HYCC2: variants seen among roughly 807,000 people sequenced by gnomAD.
HYCC2 encodes hyccin PI4KA lipid kinase complex subunit 2.
the HYCC2 span, among the ~76,000 whole-genome samples, chr2:201,000,597 T>A: frequency 3.7e-4 from 57 of 152,162 alleles, no homozygotes; most frequent in Non-Finnish European, 7.1e-4. Flanking sequence ...GAGAAACTGC[T>A]ATCCTCATAC....
the HYCC2 span, chr2:200,979,885 C>G: frequency 6.6e-6 from 1 of 152,588 alleles, no homozygotes; most frequent in African/African-American, 2.4e-5. Context: ...TTTTTGTAAC[C>G]TCTTAGCAGT....
the HYCC2 span, chr2:200,981,471 T>C: frequency 6.2e-7 from 1 of 1,614,208 alleles, no homozygotes; most frequent in Non-Finnish European, 8.5e-7. The surrounding 1 kb of genome is among the most constrained non-coding windows in gnomAD (Gnocchi z 4.5). Context: ...TGGTACTTGC[T>C]TGACTGCCAT....
chr2:201,068,144 G>A, the HYCC2 span, among the ~76,000 whole-genome samples: 48 of 151,992 alleles, frequency 3.2e-4, no homozygotes, highest in Admixed American at 2.8e-3. Context: ...AAAATTAGCC[G>A]GGCGTGGTGG....
chr2:201,037,665 G>T, the HYCC2 span, among the ~76,000 whole-genome samples: 1 of 152,306 alleles, frequency 6.6e-6, no homozygotes, highest in East Asian at 1.9e-4. Flanking sequence ...TTAATAAATG[G>T]TGCTGGGAAA....
At chr2:200,983,282 C>T in the HYCC2 span, among the ~76,000 whole-genome samples, 1 of 152,038 alleles carries the variant, frequency 6.6e-6, no homozygotes, top group African/African-American at 2.4e-5. Context: ...AAACAGATAT[C>T]AACATTACAG....
At chr2:201,025,720 TG>T in the HYCC2 span, among the ~76,000 whole-genome samples, 149 of 152,110 alleles carry the variant, frequency 9.8e-4, no homozygotes, top group African/African-American at 3.3e-3. Context: ...CAGGGCACAA[TG>T]GGCAAGAGTT....
At chr2:200,983,163 GAATA>G in the HYCC2 span, among the ~76,000 whole-genome samples, 15 of 151,990 alleles carry the variant, frequency 9.9e-5, no homozygotes, top group Non-Finnish European at 1.9e-4. Context: ...AAAGTATGAT[GAATA>G]TTCTCTTAGA....
the HYCC2 span, among the ~76,000 whole-genome samples, chr2:201,041,952 C>CCTCCCCTTTGCACGGTCCTCCT: frequency 3.3e-5 from 5 of 152,144 alleles, no homozygotes; most frequent in Admixed American, 6.5e-5. Context: ...TCCCCCTCCC[C>CCTCCCCTTTGCACGGTCCTCCT]CTCCCCTTTG....
chr2:201,038,382 C>T, the HYCC2 span, among the ~76,000 whole-genome samples: 3 of 152,146 alleles, frequency 2.0e-5, no homozygotes, highest in East Asian at 5.8e-4. Context: ...ACCCAGCCAT[C>T]CTATTGCTGG....
the HYCC2 span, among the ~76,000 whole-genome samples, chr2:201,013,556 A>G: frequency 1.3e-5 from 2 of 152,074 alleles, no homozygotes; most frequent in Non-Finnish European, 2.9e-5. Context: ...ACTTCCGTAT[A>G]GGGCTCATTT....
At chr2:201,011,345 T>A in the HYCC2 span, 2 of 1,092,428 alleles carry the variant, frequency 1.8e-6, no homozygotes, top group Non-Finnish European at 2.6e-6. Flanking sequence ...TTTTGATTTG[T>A]TACTCAATAT....
the HYCC2 span, among the ~76,000 whole-genome samples, chr2:201,007,748 C>G: frequency 3.3e-5 from 5 of 152,178 alleles, no homozygotes; most frequent in South Asian, 2.1e-4. Flanking sequence ...GGTGGTAGCT[C>G]TGGGTCACAC....
the HYCC2 span, among the ~76,000 whole-genome samples, chr2:201,003,109 C>T: frequency 6.6e-6 from 1 of 152,154 alleles, no homozygotes; most frequent in South Asian, 2.1e-4. Context: ...CTTTGTTGCC[C>T]AGGTTGGAGT....
the HYCC2 span, among the ~76,000 whole-genome samples, chr2:201,048,494 AT>A: frequency 2.4e-3 from 347 of 146,988 alleles, 1 homozygote; most frequent in African/African-American, 8.4e-3. Flanking sequence ...TTTTTTTGCA[AT>A]TTTTTTTGCA....
the HYCC2 span, among the ~76,000 whole-genome samples, chr2:201,023,200 T>C: frequency 3.3e-5 from 5 of 152,116 alleles, no homozygotes; most frequent in African/African-American, 1.2e-4. Context: ...ATACCAAAAA[T>C]TAGCCAGGCG....
the HYCC2 span, chr2:201,067,316 C>T: frequency 6.6e-6 from 1 of 152,336 alleles, no homozygotes; most frequent in African/African-American, 2.4e-5. Flanking sequence ...AAATTTGATT[C>T]TAACACTGTT....
At chr2:201,042,861 GC>G in the HYCC2 span, among the ~76,000 whole-genome samples, 1 of 149,112 alleles carries the variant, frequency 6.7e-6, no homozygotes, top group Non-Finnish European at 1.5e-5. Context: ...AGGTGGGGGG[GC>G]CCCTCTGCCC....
chr2:201,036,785 T>A, the HYCC2 span, among the ~76,000 whole-genome samples: 27 of 152,252 alleles, frequency 1.8e-4, no homozygotes, highest in African/African-American at 6.3e-4. Context: ...CCACAGCCAA[T>A]ATCATACTGA....
chr2:201,021,583 C>T, the HYCC2 span: 1 of 154,404 alleles, frequency 6.5e-6, no homozygotes, highest in African/African-American at 2.4e-5. Flanking sequence ...CACTGTCCTT[C>T]CAATCAATAC....
Sources: gnomAD v4.1 joint callset for allele counts (sites outside exome capture counted in the v4.1 genomes callset) on GRCh38, gnomAD v4.1.1 for gene constraint, Gnocchi (gnomAD v3.1) non-coding constraint, MANE v1.5 for transcripts, NCBI Gene and HGNC (gene_info 2026-07-23, HGNC 2026-07-21) for gene names.